The following DNTT variants were observed in gnomAD, a reference collection of about 807,000 sequenced individuals.
DNTT encodes DNA nucleotidylexotransferase.
A neutral mutation model predicts 60.9 loss-of-function variants in DNTT; 47 were observed. The ratio of observed to expected loss-of-function variants is 0.77; its 90% CI spans 0.61 to 0.98. DNTT has a LOEUF of 0.98. Among genes scored for constraint, DNTT ranks in the 50% least tolerant of loss-of-function variants. The probability of loss-of-function intolerance (pLI) is 0.00; values close to 1 mark genes in which losing one functional copy is unlikely to be tolerated. For missense variants in DNTT, 665 were observed against 627.5 expected (o/e 1.06, Z -0.64); for synonymous variants, 224 against 221.2 (o/e 1.01, Z -0.11).
At chr10:96,304,824 C>A in intron 1 of DNTT, 124 bp downstream of exon 1, 1 of 1,087,426 alleles carries the variant, frequency 9.2e-7, no homozygotes, top group Non-Finnish European at 1.3e-6. Context: ...GGGAGAACAG[C>A]AGATTTGAAA....
chr10:96,319,157 T>G lies in DNTT; in HGVS notation c.379-105T>G, dbSNP rs1021309927. 7 of 1,324,998 alleles carry G rather than the reference T, an allele frequency of 5.3e-6. No individual in the cohort carries two copies. The Admixed American group carries it at 8.8e-5, about 17-fold the overall frequency. The allele number at this position is 1,324,998 out of a possible 1,614,324, so 82.1% of individuals were successfully genotyped here. A position where few individuals can be genotyped will look rare whatever the true frequency, so the allele number is the denominator to read the frequency against. ...TATAACATAAATTTTGAGTCTCCTATAATTTTATCCTCCAACTACAGACAA... is the reference window on the plus strand; with the variant it reads ...TATAACATAAATTTTGAGTCTCCTAGAATTTTATCCTCCAACTACAGACAA... On this transcript the variant is annotated intron_variant, in intron 2 of 10. Coordinates refer to ENST00000371174, the MANE Select transcript of DNTT (RefSeq NM_004088.4).
At chr10:96,305,860 A>T (rs1844627738) in intron 1 of DNTT, among the ~76,000 whole-genome samples, 1 of 152,136 alleles carries the variant, frequency 6.6e-6, no homozygotes, top group Admixed American at 6.5e-5. Flanking sequence ...AAATTCCTGA[A>T]TTTCCTATGG....
chr10:96,306,990 G>A (rs1844646406), intron 1 of DNTT, among the ~76,000 whole-genome samples: 1 of 152,220 alleles, frequency 6.6e-6, no homozygotes, highest in East Asian at 1.9e-4. Context: ...AGCCTCCCCA[G>A]CCATGGGGTA....
In DNTT at chr10:96,320,705, A is replaced by G. The variant is rs1182247735; in HGVS notation, c.595A>G (p.Lys199Glu). Residue 199 changes from lysine to glutamate, a missense_variant, in exon 4 of 11, where the codon AAA becomes GAA. Transcript: ENST00000371174. ...VTFMRAASVL[K>E]SLPFTIISMK... Reference sequence around the variant, plus strand: ...ATTTATGAGAGCAGCTTCTGTATTGAAATCTCTGCCATTCACAATCATCAG... The same window carrying G: ...ATTTATGAGAGCAGCTTCTGTATTGGAATCTCTGCCATTCACAATCATCAG... 1 of 1,613,886 alleles carries G rather than the reference A, an allele frequency of 6.2e-7. No homozygotes were observed. The highest frequency in any genetic ancestry group is 2.2e-5 in the East Asian group (1 of 44,874).
intron 1 of DNTT, among the ~76,000 whole-genome samples, chr10:96,310,836 T>C (rs11188702): frequency 9.2e-5 from 14 of 152,182 alleles, no homozygotes; most frequent in African/African-American, 3.4e-4. Flanking sequence ...ATTTTTGTAA[T>C]GAATTTTTTT....
chr10:96,332,341 T>G lies in DNTT; in HGVS notation c.1114-10T>G. On this transcript the variant is annotated splice_polypyrimidine_tract_variant and intron_variant, in intron 8 of 10. Transcript: ENST00000371174. ...GGGCCTTTTCCTGATGCCATTCTGTTTCTTTTCAGGGATTACTTTTATATT... is the reference window on the plus strand; with the variant it reads ...GGGCCTTTTCCTGATGCCATTCTGTGTCTTTTCAGGGATTACTTTTATATT... 6.2e-7 allele frequency: 1 copy of G among 1,610,850 alleles called. No individual in the cohort carries two copies. Among genetic ancestry groups the G allele is most frequent in the Non-Finnish European group, 8.5e-7 (1 of 1,177,574 alleles).
rs1461270873 is a variant in DNTT at position 96,318,518 on chromosome 10, C to A, written c.370C>A (p.Gln124Lys). Residue 124 changes from glutamine (Q) to lysine (K), a missense_variant, in exon 2 of 11, where the codon CAG (glutamine) becomes AAG (lysine). Coordinates refer to ENST00000371174, the MANE Select transcript of DNTT (RefSeq NM_004088.4). ...ACCGGTGGAAATGACAGGAAAACAC[C>A]AGCTTGTTGTAAGTGTCATGGGTGT... ...GKPVEMTGKH[Q>K]LVVRRDYSDS... 1.9e-6 allele frequency: 3 copies of A among 1,612,966 alleles called. No individual in the cohort carries two copies. Among genetic ancestry groups the A allele is most frequent in the African/African-American group, 2.7e-5 (2 of 74,844 alleles).
At chr10:96,311,012 C>T (rs767226983) in intron 1 of DNTT, among the ~76,000 whole-genome samples, 55 of 152,054 alleles carry the variant, frequency 3.6e-4, no homozygotes, top group Non-Finnish European at 4.1e-4. Context: ...TTTCTTAATC[C>T]CATTTAAGGT....
chr10:96,332,372 C>A lies in DNTT; in HGVS notation c.1135C>A (p.Leu379Ile), dbSNP rs1258299549. The A allele has an allele frequency of 6.2e-7, 1 of 1,613,992 alleles. No homozygotes were observed. Among genetic ancestry groups the A allele is most frequent in the Non-Finnish European group, 8.5e-7 (1 of 1,179,994 alleles). ...TCAGGGATTACTTTTATATTATGAC[C>A]TTGTGGAGTCAACATTTGAAAAGCT... ...EKKGLLLYYD[L>I]VESTFEKLRL... is the part of the protein sequence containing the mutation. The change falls in exon 9 of 11, where the codon CTT becomes ATT. Residue 379 changes from leucine to isoleucine, a missense_variant. Coordinates refer to ENST00000371174, the MANE Select transcript of DNTT (RefSeq NM_004088.4).
intron 1 of DNTT, among the ~76,000 whole-genome samples, chr10:96,313,632 T>G (rs1358732704): frequency 3.9e-5 from 6 of 152,240 alleles, no homozygotes; most frequent in Non-Finnish European, 8.8e-5. Context: ...GAGGATTAAG[T>G]AAGAATATGT....
chr10:96,334,520 G>A (rs1029389444), intron 9 of DNTT, among the ~76,000 whole-genome samples: 14 of 152,140 alleles, frequency 9.2e-5, no homozygotes, highest in East Asian at 1.9e-4. Flanking sequence ...AAATGGGTTC[G>A]TAGAGGGTTT....
At chr10:96,332,742 C>A in intron 9 of DNTT, 146 bp downstream of exon 9, 1 of 1,206,322 alleles carries the variant, frequency 8.3e-7, no homozygotes, top group Non-Finnish European at 1.2e-6. Flanking sequence ...CTCAAGGCAT[C>A]CTGTCCACAC....
intron 1 of DNTT, among the ~76,000 whole-genome samples, 171 bp downstream of exon 1, chr10:96,304,871 G>T (rs1329501068): frequency 6.6e-6 from 1 of 152,116 alleles, no homozygotes; most frequent in East Asian, 1.9e-4. Flanking sequence ...GAGATAAGTG[G>T]GGACTGAATA....
chr10:96,324,529 T>A, intron 6 of DNTT, 140 bp downstream of exon 6: 2 of 1,332,908 alleles, frequency 1.5e-6, no homozygotes, highest in Non-Finnish European at 2.1e-6. Context: ...ATCTAAATCC[T>A]AGCTCCAGCA....
intron 6 of DNTT, 144 bp from the exon 7 acceptor site, chr10:96,327,324 A>T: frequency 8.1e-7 from 1 of 1,228,592 alleles, no homozygotes; most frequent in African/African-American, 1.5e-5. Flanking sequence ...CACATGGACT[A>T]TTCTGTCTCT....
intron 10 of DNTT, among the ~76,000 whole-genome samples, chr10:96,337,926 A>G (rs1044706536): frequency 6.6e-6 from 1 of 152,222 alleles, no homozygotes; most frequent in Non-Finnish European, 1.5e-5. Flanking sequence ...TTTGCTGAAT[A>G]TGTTAAAGCT....
At chr10:96,319,483 C>T (rs1844838464) in intron 3 of DNTT, 93 bp downstream of exon 3, 17 of 1,569,494 alleles carry the variant, frequency 1.1e-5, no homozygotes, top group Non-Finnish European at 1.4e-5. Context: ...TTTCTGAAAA[C>T]CTGGGAAAGT....
chr10:96,329,131 G>A (rs1389429654), intron 8 of DNTT, among the ~76,000 whole-genome samples: 3 of 152,252 alleles, frequency 2.0e-5, no homozygotes, highest in African/African-American at 7.2e-5. Context: ...AAAGTGAAAA[G>A]TATGCACTAT....
chr10:96,332,635 C>A, intron 9 of DNTT, 39 bp downstream of exon 9: 2 of 1,602,706 alleles, frequency 1.2e-6, no homozygotes, highest in Non-Finnish European at 1.7e-6. Context: ...TGTTAGCTTT[C>A]TGAAAGACGT....
Sources: gnomAD v4.1 joint callset for allele counts (sites outside exome capture counted in the v4.1 genomes callset) on GRCh38, gnomAD v4.1.1 for gene constraint, MANE v1.5 for transcripts, NCBI Gene and HGNC (gene_info 2026-07-23, HGNC 2026-07-21) for gene names.